RTL1: variants seen among roughly 807,000 people sequenced by gnomAD.
The protein encoded by RTL1 is retrotransposon Gag like 1, also known as retrotransposon-like protein 1.
For synonymous variants in RTL1, 727 were observed against 748.4 expected, an observed-to-expected ratio of 0.97 and a Z score of 0.47; for missense variants, 1,681 against 1,767.5, an observed-to-expected ratio of 0.95 and a Z score of 0.88.
At chr14:100,903,458 A>G (rs1179069687) in intron 1 of RTL1, among the ~76,000 whole-genome samples, 72 bp from the exon 2 acceptor site, 1 of 152,070 alleles carries the variant, frequency 6.6e-6, no homozygotes, top group Non-Finnish European at 1.5e-5. Context: ...AGGCATGGAG[A>G]TTTATGGAGC....
At chr14:100,884,947 TCAAGG>T in intron 3 of RTL1, 73 bp from the exon 4 acceptor site, 1 of 627,908 alleles carries the variant, frequency 1.6e-6, no homozygotes. Context: ...TATCAGGGTC[TCAAGG>T]ACAAATCAGA....
In RTL1 at chr14:100,883,450, A is replaced by C; in HGVS notation, c.1339T>G (p.Tyr447Asp). The C allele has an allele frequency of 6.4e-7, 1 of 1,551,040 alleles. No individual in the cohort carries two copies. Among genetic ancestry groups the C allele is most frequent in the Non-Finnish European group, 8.7e-7 (1 of 1,146,734 alleles). Residue 447 changes from tyrosine to aspartate, a missense_variant, in exon 4 of 4, where the codon TAC (tyrosine) becomes GAC (aspartate). Physicochemically the swap from Tyr to Asp is radical, Grantham distance 160 (BLOSUM62 -3). Coordinates refer to ENST00000649591, the MANE Select transcript of RTL1 (RefSeq NM_001134888.3). The surrounding 1 kb of genome is among the most constrained non-coding windows in gnomAD (Gnocchi z 5.9). ...TACGGCTTCTCGTAGAGCTCGACGT[A>C]GTGCTCTTGGGCGAACTTCTCATCC... Reference protein sequence around the residue: ...FMDEKFAQEHYVELYEKPYPQ... With the variant: ...FMDEKFAQEHDVELYEKPYPQ...
rs747343425 is a variant in RTL1, at chr14:100,881,795, G to A, written c.2994C>T (p.Asn998=). 1.2e-6 allele frequency: 2 copies of A among 1,614,030 alleles called. No individual in the cohort carries two copies. The highest frequency in any genetic ancestry group is 1.7e-6 in the Non-Finnish European group (2 of 1,180,006). ...TCTGGAAGGCTCTCCTCCACCGGAG[G>A]TTTCTCACAGGTGGCAGAGCTCGGC... The part of the protein sequence containing the change: ...DGGRALPPVR[N]LRWRRAFQRN... The change falls in exon 4 of 4, where the codon AAC becomes AAT. Residue 998 remains asparagine (N), a synonymous_variant. Transcript: ENST00000649591. This position sits in a 1 kb window ranked among gnomAD's most constrained non-coding sequence, Gnocchi z 6.6.
intron 3 of RTL1, among the ~76,000 whole-genome samples, chr14:100,891,072 G>T (rs1220668394): frequency 6.6e-6 from 1 of 152,134 alleles, no homozygotes; most frequent in Non-Finnish European, 1.5e-5. Context: ...ATTCCTGGGG[G>T]CTTCCTGAGG....
intron 3 of RTL1, among the ~76,000 whole-genome samples, chr14:100,890,622 C>T (rs774755436): frequency 1.7e-4 from 26 of 152,058 alleles, no homozygotes; most frequent in Non-Finnish European, 3.2e-4. Flanking sequence ...CCTCTCCTGG[C>T]CTCCAGAAAC....
At chr14:100,896,661 G>C (rs900950964) in intron 2 of RTL1, among the ~76,000 whole-genome samples, 23 of 152,098 alleles carry the variant, frequency 1.5e-4, no homozygotes, top group African/African-American at 5.3e-4. Context: ...GGGCTAGGGT[G>C]GGCAAAGGTT....
In RTL1 at chr14:100,882,940, C is replaced by T. The variant is rs1296340540; in HGVS notation, c.1849G>A (p.Glu617Lys). The T allele has an allele frequency of 6.2e-7, 1 of 1,612,704 alleles. No individual in the cohort carries two copies. The highest frequency in any genetic ancestry group is 8.5e-7 in the Non-Finnish European group (1 of 1,179,466). Residue 617 changes from glutamate to lysine, a missense_variant, in exon 4 of 4, where the codon GAA (glutamate) becomes AAA (lysine). By Grantham distance (56) the Glu-to-Lys change is moderately conservative. Coordinates refer to ENST00000649591, the MANE Select transcript of RTL1 (RefSeq NM_001134888.3). ...FYECPSTAPWEPVGARMQERA... is the reference protein window; with the variant it reads ...FYECPSTAPWKPVGARMQERA... ...TCTTGCATCCTGGCACCCACAGGTTCCCAAGGCGCGGTGGAGGGACACTCG... is the reference window on the plus strand; with the variant it reads ...TCTTGCATCCTGGCACCCACAGGTTTCCAAGGCGCGGTGGAGGGACACTCG...
Position 100,883,151 on chromosome 14 carries a change from C to T in RTL1, c.1638G>A (p.Arg546=). 6.2e-7 allele frequency: 1 copy of T among 1,605,364 alleles called. No individual in the cohort carries two copies. Among genetic ancestry groups the T allele is most frequent in the Non-Finnish European group, 8.5e-7 (1 of 1,174,940 alleles). ...RPPPPCIALE[R]HGMSLLPGLP... The stretch of plus-strand genomic sequence containing the variant: ...GTCCGGGTAGCAGGCTCATGCCGTG[C>T]CTCTCTAGGGCAATGCATGGCGGGG... Residue 546 remains arginine, a synonymous_variant, in exon 4 of 4, where the codon AGG becomes AGA. Coordinates refer to ENST00000649591, the MANE Select transcript of RTL1 (RefSeq NM_001134888.3). This position sits in a 1 kb window ranked among gnomAD's most constrained non-coding sequence, Gnocchi z 5.9.
At position 100,884,670 on chromosome 14, in the gene RTL1, C is replaced by T. The variant is rs776886314; in HGVS notation, c.119G>A (p.Gly40Glu). The stretch of plus-strand genomic sequence containing the variant: ...GGCTGGCCCTGCCTCTCCCCGCACT[C>T]CACTGCCCGACGTCGCCTCGGTGGT... The part of the protein sequence containing the change: ...SNTTEATSGS[G>E]VRGEAGPASG... The change falls in exon 4 of 4, where the codon GGA (glycine) becomes GAA (glutamate). Residue 40 changes from glycine to glutamate, a missense_variant. Physicochemically the swap from Gly to Glu is moderately conservative, Grantham distance 98. Transcript: ENST00000649591. 1 of 1,613,752 alleles carries T rather than the reference C, an allele frequency of 6.2e-7. No individual in the cohort carries two copies. The highest frequency in any genetic ancestry group is 8.5e-7 in the Non-Finnish European group (1 of 1,179,990).
chr14:100,903,435 C>A (rs1404583623), intron 1 of RTL1, among the ~76,000 whole-genome samples, 49 bp from the exon 2 acceptor site: 2 of 152,104 alleles, frequency 1.3e-5, no homozygotes, highest in Non-Finnish European at 2.9e-5. Context: ...TTGAGGTGAT[C>A]AAGAGGGGGT....
At chr14:100,899,947 T>G (rs937409910) in intron 2 of RTL1, among the ~76,000 whole-genome samples, 6 of 151,674 alleles carry the variant, frequency 4.0e-5, no homozygotes, top group Non-Finnish European at 8.8e-5. Context: ...CCAGAGAGAG[T>G]GTGAGGGGCA....
chr14:100,902,507 T>C (rs190303486), intron 2 of RTL1, among the ~76,000 whole-genome samples: 227 of 152,302 alleles, frequency 1.5e-3, no homozygotes, highest in African/African-American at 5.4e-3. Context: ...GGGTTTTCTA[T>C]GGCCCCTTTT....
rs1303404420 is a variant in RTL1 at position 100,879,888 on chromosome 14, G to A, written c.*824C>T. Among the ~76,000 whole-genome samples, 5 of 151,918 alleles carry A rather than the reference G, an allele frequency of 3.3e-5. No individual in the cohort carries two copies. Among genetic ancestry groups the A allele is most frequent in the Non-Finnish European group, 7.4e-5 (5 of 67,994 alleles). On this transcript the variant is annotated 3_prime_UTR_variant, in exon 4 of 4. Transcript: ENST00000649591. Reference sequence around the variant, plus strand: ...CTCTGTGACTCGGCATGGTCCCCTGGGTGTCTGTGTGCCTTCTGGGACTCC... The same window carrying A: ...CTCTGTGACTCGGCATGGTCCCCTGAGTGTCTGTGTGCCTTCTGGGACTCC...
chr14:100,885,964 A>T (rs1455269582), intron 3 of RTL1, among the ~76,000 whole-genome samples: 2 of 152,134 alleles, frequency 1.3e-5, no homozygotes, highest in African/African-American at 2.4e-5. Context: ...TGGGGGGAAC[A>T]TGTGACATCT....
At chr14:100,901,746 C>T (rs2038945010) in intron 2 of RTL1, among the ~76,000 whole-genome samples, 1 of 152,020 alleles carries the variant, frequency 6.6e-6, no homozygotes, top group Non-Finnish European at 1.5e-5. Flanking sequence ...TGTTCTGGCC[C>T]TCAAGAGGGG....
At position 100,881,070 on chromosome 14, in the gene RTL1, A is replaced by G; in HGVS notation, c.3719T>C (p.Leu1240Pro). The change falls in exon 4 of 4, where the codon CTG becomes CCG. Residue 1240 changes from leucine (L) to proline (P), a missense_variant. Physicochemically the swap from Leu to Pro is moderately conservative, Grantham distance 98 (BLOSUM62 -3). Transcript: ENST00000649591. This position sits in a 1 kb window ranked among gnomAD's most constrained non-coding sequence, Gnocchi z 6.6. ...CAGGCCACACTGACGGTAACGTTGC[A>G]GGTCGTCTTGCAGGGCTTCTCGCAA... ...VVLREALQDD[L>P]QRYRQCGLHD... The G allele has an allele frequency of 6.2e-7, 1 of 1,602,868 alleles. No homozygotes were observed. The highest frequency in any genetic ancestry group is 8.5e-7 in the Non-Finnish European group (1 of 1,174,918).
At chr14:100,901,292 C>T (rs747637558) in intron 2 of RTL1, among the ~76,000 whole-genome samples, 15 of 152,264 alleles carry the variant, frequency 9.9e-5, no homozygotes, top group Admixed American at 5.9e-4. Flanking sequence ...TATGCACACA[C>T]GCACACGCAC....
intron 2 of RTL1, among the ~76,000 whole-genome samples, chr14:100,899,432 G>A (rs2038912080): frequency 6.6e-6 from 1 of 152,214 alleles, no homozygotes; most frequent in Admixed American, 6.5e-5. Context: ...AGCAAGTGCT[G>A]GGACCTTTGG....
Position 100,883,075 on chromosome 14 carries a change from C to T in RTL1, c.1714G>A (p.Asp572Asn). 2.5e-6 allele frequency: 4 copies of T among 1,614,106 alleles called. No individual in the cohort carries two copies. Among genetic ancestry groups the T allele is most frequent in the Non-Finnish European group, 3.4e-6 (4 of 1,180,022 alleles). Reference protein sequence around the residue: ...LADVFNPKEADDETSDQPSSD... With the variant: ...LADVFNPKEANDETSDQPSSD... ...CTTGGCTGGTCGGAAGTCTCATCATCTGCTTCCTTCGGGTTAAACACGTCG... is the reference window on the plus strand; with the variant it reads ...CTTGGCTGGTCGGAAGTCTCATCATTTGCTTCCTTCGGGTTAAACACGTCG... Residue 572 changes from aspartate to asparagine, a missense_variant, in exon 4 of 4, where the codon GAT becomes AAT. Asp to Asn is a conservative substitution (Grantham distance 23, BLOSUM62 1). Coordinates refer to ENST00000649591, the MANE Select transcript of RTL1 (RefSeq NM_001134888.3). This position sits in a 1 kb window ranked among gnomAD's most constrained non-coding sequence, Gnocchi z 5.9.
Sources: gnomAD v4.1 joint callset for allele counts (sites outside exome capture counted in the v4.1 genomes callset) on GRCh38, gnomAD v4.1.1 for gene constraint, Gnocchi (gnomAD v3.1) non-coding constraint, MANE v1.5 for transcripts, NCBI Gene and HGNC (gene_info 2026-07-23, HGNC 2026-07-21) for gene names.